Variants in ALPG observed in about 807,000 individuals in gnomAD.
ALPG encodes alkaline phosphatase, germ cell, also known as alkaline phosphatase, germ cell type.
ALPG carries 32 observed loss-of-function variants against 48.6 expected under a neutral mutation model. The ratio of observed to expected loss-of-function variants is 0.66; its 90% CI spans 0.50 to 0.88. ALPG has a LOEUF of 0.88. ALPG is among the 40% of genes least tolerant of loss of function. The pLI is 0.00. For missense variants in ALPG, 533 were observed against 718.1 expected (o/e 0.74, Z 2.95); for synonymous variants, 244 against 308.9 (o/e 0.79, Z 2.20).
In ALPG at chr2:232,409,438, G is replaced by A. The variant is rs1168995489; in HGVS notation, c.1290G>A (p.Glu430=). The change falls in exon 10 of 11, where the codon GAG becomes GAA. Residue 430 remains glutamate (E), a synonymous_variant. Transcript: ENST00000295453. The part of the protein sequence containing the change: ...LKDGARPDVT[E]SESGSPEYRQ... ...ACGGCGCCCGGCCGGATGTTACGGAGAGCGAGAGCGGTGAGTGCCGTGGGG... is the reference window on the plus strand; with the variant it reads ...ACGGCGCCCGGCCGGATGTTACGGAAAGCGAGAGCGGTGAGTGCCGTGGGG... 1 of 1,443,724 alleles carries A rather than the reference G, an allele frequency of 6.9e-7. No individual in the cohort carries two copies. Among genetic ancestry groups the A allele is most frequent in the African/African-American group, 1.4e-5 (1 of 71,548 alleles). The allele number at this position is 1,443,724 out of a possible 1,614,324, so 89.4% of individuals were successfully genotyped here.
At position 232,407,357 on chromosome 2, in the gene ALPG, A is replaced by T. The variant is rs760980285; in HGVS notation, c.256A>T (p.Thr86Ser). 96 of 1,613,724 alleles carry T rather than the reference A, an allele frequency of 5.9e-5. No individual in the cohort carries two copies. In the Admixed American group the frequency reaches 1.6e-3, roughly 27 times the overall value. The change falls in exon 3 of 11, where the codon ACC (threonine) becomes TCC (serine). Residue 86 changes from threonine to serine, a missense_variant. Around this residue, in one of 6 missense-constraint regions of ALPG, gnomAD observed 315 missense variants for 305.8 expected, o/e 1.03. Transcript: ENST00000295453. Reference protein sequence around the residue: ...GQKKDKLGPETFLAMDRFPYV... With the variant: ...GQKKDKLGPESFLAMDRFPYV... Reference sequence around the variant, plus strand: ...GAAGAAGGACAAACTGGGGCCTGAGACCTTCCTGGCCATGGACCGCTTCCC... The same window carrying T: ...GAAGAAGGACAAACTGGGGCCTGAGTCCTTCCTGGCCATGGACCGCTTCCC...
In ALPG at chr2:232,408,264, C is replaced by T. The variant is rs1189996785; in HGVS notation, c.649-3C>T. On this transcript the variant is annotated splice_region_variant and splice_polypyrimidine_tract_variant and intron_variant, in intron 5 of 10. Coordinates refer to ENST00000295453, the MANE Select transcript of ALPG (RefSeq NM_031313.3). ...ATCCACCTGCCCCATCCTCTGTTCC[C>T]AGGTGATCCTAGGTGGAGGCCGAAA... The T allele has an allele frequency of 6.2e-7, 1 of 1,613,540 alleles. No homozygotes were observed. The highest frequency in any genetic ancestry group is 8.5e-7 in the Non-Finnish European group (1 of 1,179,856).
chr2:232,407,460 G>A lies in ALPG; in HGVS notation c.300+59G>A, dbSNP rs535702090. 89 of 1,598,116 alleles carry A rather than the reference G, an allele frequency of 5.6e-5. No homozygotes were observed. The African/African-American group carries it at 1.1e-3, about 20-fold the overall frequency. ...AGAGAAGGGGAATCCTGGCTATGGA[G>A]TGTGGTAGGAGGGAGGGACCCTAAA... On this transcript the variant is annotated intron_variant, in intron 3 of 10. Transcript: ENST00000295453.
In ALPG at chr2:232,410,102, T is replaced by C; in HGVS notation, c.*230T>C. On this transcript the variant is annotated 3_prime_UTR_variant, in exon 11 of 11. Transcript: ENST00000295453. ...TGGCCCCAACTCCAGGGACTGGGGA[T>C]TTGTGCCTGGCAGCTGCCTGCATTT... The C allele has an allele frequency of 1.5e-6, 1 of 667,570 alleles. No individual in the cohort carries two copies. Among genetic ancestry groups the C allele is most frequent in the Non-Finnish European group, 2.5e-6 (1 of 405,964 alleles). 41.4% of individuals were successfully genotyped at this position (667,570 alleles called of 1,614,324 possible).
chr2:232,407,539 A>G, intron 3 of ALPG, 55 bp from the exon 4 acceptor site: 1 of 1,609,728 alleles, frequency 6.2e-7, no homozygotes. Flanking sequence ...GAGGACAGAG[A>G]TCAGGGTCTT....
At chr2:232,408,215 A>G (rs2678518) in intron 5 of ALPG, 52 bp from the exon 6 acceptor site, 435,777 of 1,590,644 alleles carry the variant, frequency 0.27, 62,697 homozygotes, top group Non-Finnish European at 0.29. Context: ...TGAGGAGGGG[A>G]CACGGGGCCA....
intron 10 of ALPG, 49 bp from the exon 11 acceptor site, chr2:232,409,525 T>C: frequency 1.9e-6 from 3 of 1,611,468 alleles, no homozygotes; most frequent in Non-Finnish European, 2.5e-6. Flanking sequence ...GGTCACCTCT[T>C]GTCTGCCTGG....
rs556389743 is a variant in ALPG, at chr2:232,407,754, G to A, written c.461G>A (p.Arg154Gln). ...RGNEVISVMNRAKKAGKSVGV... is the reference protein window; with the variant it reads ...RGNEVISVMNQAKKAGKSVGV... ...AACGAGGTCATCTCCGTGATGAATC[G>A]GGCCAAGAAAGCAGGTGAGCTGGGG... Residue 154 changes from arginine to glutamine, a missense_variant, in exon 4 of 11, where the codon CGG becomes CAG. Transcript: ENST00000295453. 2.2e-5 allele frequency: 36 copies of A among 1,613,782 alleles called. No individual in the cohort carries two copies. The East Asian group carries it at 4.7e-4, about 21-fold the overall frequency.
chr2:232,407,335 G>A lies in ALPG; in HGVS notation c.234G>A (p.Lys78=). Residue 78 remains lysine (K), a synonymous_variant, in exon 3 of 11, where the codon AAG becomes AAA. Transcript: ENST00000295453. The part of the protein sequence containing the change: ...VTAARILKGQ[K]KDKLGPETFL... ...CTGCCAGGATCCTAAAAGGGCAGAA[G>A]AAGGACAAACTGGGGCCTGAGACCT... 1 of 1,613,936 alleles carries A rather than the reference G, an allele frequency of 6.2e-7. No homozygotes were observed.
rs1048997 is a variant in ALPG at position 232,409,833 on chromosome 2, A to C, written c.1560A>C (p.Ala520=). ...TCCCCGCGTTGCTTCCTCTGCTGGC[A>C]GGGACCTTGCTGCTGCTGGGGACGG... ...SVVPALLPLL[A]GTLLLLGTAT... is the part of the protein sequence containing the mutation. Residue 520 remains alanine (A), a synonymous_variant, in exon 11 of 11, where the codon GCA becomes GCC. Coordinates refer to ENST00000295453, the MANE Select transcript of ALPG (RefSeq NM_031313.3). The C allele has an allele frequency of 1.3e-4, 214 of 1,588,654 alleles. No individual in the cohort carries two copies. Among genetic ancestry groups the C allele is most frequent in the South Asian group, 1.7e-4 (15 of 88,274 alleles).
Position 232,407,589 on chromosome 2 carries a change from C to T in ALPG, c.301-5C>T. The T allele has an allele frequency of 5.0e-6, 8 of 1,613,772 alleles. No homozygotes were observed. The highest frequency in any genetic ancestry group is 6.8e-6 in the Non-Finnish European group (8 of 1,180,000). The stretch of plus-strand genomic sequence containing the variant: ...GAGAAGAGCTCAGAGTGTCTCTGTC[C>T]CCAGACATACAGTGTAGACAAGCAT... On this transcript the variant is annotated splice_region_variant and splice_polypyrimidine_tract_variant and intron_variant, in intron 3 of 10. Coordinates refer to ENST00000295453, the MANE Select transcript of ALPG (RefSeq NM_031313.3).
chr2:232,408,570 ATGGGTAATGACCCCCTTCC>A lies in ALPG; in HGVS notation c.856_856+18del. 6.4e-7 allele frequency: 1 copy of A among 1,555,074 alleles called. No individual in the cohort carries two copies. Among genetic ancestry groups the A allele is most frequent in the Admixed American group, 1.7e-5 (1 of 58,290 alleles). ...CCTGGACCCGTCTGTGACCCATCTC[ATGGGTAATGACCCCCTTCC>A]TGCCCTGGCATCCCTCAGATGGCCT... On this transcript the variant is annotated splice_donor_variant and splice_donor_5th_base_variant and coding_sequence_variant and intron_variant, in exon 7 of 11. Transcript: ENST00000295453. LOFTEE classifies it high-confidence loss of function.
rs1275755567 is a variant in ALPG at position 232,407,855 on chromosome 2, G to A, written c.486G>A (p.Val162=). ...CTCTATCACCCTCAGGAAAGTCAGTGGGAGTGGTAACCACCACACGGGTGC... is the reference window on the plus strand; with the variant it reads ...CTCTATCACCCTCAGGAAAGTCAGTAGGAGTGGTAACCACCACACGGGTGC... The part of the protein sequence containing the change: ...MNRAKKAGKS[V]GVVTTTRVQH... Residue 162 remains valine, a synonymous_variant, in exon 5 of 11, where the codon GTG becomes GTA. Transcript: ENST00000295453. 6.2e-7 allele frequency: 1 copy of A among 1,613,562 alleles called. No individual in the cohort carries two copies. Among genetic ancestry groups the A allele is most frequent in the South Asian group, 1.1e-5 (1 of 90,990 alleles).
At position 232,407,275 on chromosome 2, in the gene ALPG, T is replaced by C. The variant is rs755457145; in HGVS notation, c.185-11T>C. The C allele has an allele frequency of 6.2e-7, 1 of 1,613,822 alleles. No homozygotes were observed. ...CTGGGGAGCAAGCCTCACACACTTC[T>C]GCTCCTTCAGGGATGGGGGTGTCTA... On this transcript the variant is annotated splice_polypyrimidine_tract_variant and intron_variant, in intron 2 of 10. Coordinates refer to ENST00000295453, the MANE Select transcript of ALPG (RefSeq NM_031313.3).
Position 232,408,812 on chromosome 2 carries a change from C to G in ALPG, c.965C>G (p.Pro322Arg). The change falls in exon 8 of 11, where the codon CCC becomes CGC. Residue 322 changes from proline to arginine, a missense_variant. Pro to Arg is a moderately radical substitution (Grantham distance 103). Coordinates refer to ENST00000295453, the MANE Select transcript of ALPG (RefSeq NM_031313.3). ...GCCCTGCTCCTGCTGAGCAGGAACC[C>G]CCGCGGCTTCTTCCTCTTCGTGGAG... Reference protein sequence around the residue: ...EAALLLLSRNPRGFFLFVEGG... With the variant: ...EAALLLLSRNRRGFFLFVEGG... The G allele has an allele frequency of 1.1e-6, 1 of 895,890 alleles. No individual in the cohort carries two copies. The highest frequency in any genetic ancestry group is 2.5e-5 in the Admixed American group (1 of 39,468). 55.5% of individuals were successfully genotyped at this position (895,890 alleles called of 1,614,324 possible).
chr2:232,410,038 T>G lies in ALPG; in HGVS notation c.*166T>G. On this transcript the variant is annotated 3_prime_UTR_variant, in exon 11 of 11. Coordinates refer to ENST00000295453, the MANE Select transcript of ALPG (RefSeq NM_031313.3). ...CGGTGCACCCTGGGGACCGAGCCCT[T>G]GACACCACGCCCTTTGCTTTATCTT... The G allele has an allele frequency of 1.8e-6, 2 of 1,082,398 alleles. No individual in the cohort carries two copies. The highest frequency in any genetic ancestry group is 1.7e-5 in the South Asian group (1 of 59,952). The allele number at this position is 1,082,398 out of a possible 1,614,324, so 67.0% of individuals were successfully genotyped here. A position where few individuals can be genotyped will look rare whatever the true frequency, so the allele number is the denominator to read the frequency against.
Position 232,410,115 on chromosome 2 carries a change from G to A in ALPG, c.*243G>A. The A allele has an allele frequency of 1.6e-6, 1 of 629,588 alleles. No individual in the cohort carries two copies. The highest frequency in any genetic ancestry group is 2.7e-6 in the Non-Finnish European group (1 of 372,928). 39.0% of individuals were successfully genotyped at this position (629,588 alleles called of 1,614,324 possible). A position where few individuals can be genotyped will look rare whatever the true frequency, so the allele number is the denominator to read the frequency against. ...AGGGACTGGGGATTTGTGCCTGGCA[G>A]CTGCCTGCATTTCAGGAAAAGAGGA... On this transcript the variant is annotated 3_prime_UTR_variant, in exon 11 of 11. Transcript: ENST00000295453.
chr2:232,406,969 G>C lies in ALPG; in HGVS notation c.67+8G>C. ...CCCTGGGCATCATCCCAGGTAATGAGGCTCCCCCAGCTGCCCCTACACACA... is the reference window on the plus strand; with the variant it reads ...CCCTGGGCATCATCCCAGGTAATGACGCTCCCCCAGCTGCCCCTACACACA... On this transcript the variant is annotated splice_region_variant and intron_variant, in intron 1 of 10. Coordinates refer to ENST00000295453, the MANE Select transcript of ALPG (RefSeq NM_031313.3). 6.2e-7 allele frequency: 1 copy of C among 1,608,618 alleles called. No homozygotes were observed. Among genetic ancestry groups the C allele is most frequent in the Non-Finnish European group, 8.5e-7 (1 of 1,178,636 alleles).
Position 232,409,987 on chromosome 2 carries a change from C to A in ALPG, c.*115C>A, listed in dbSNP as rs879165959. ...GTCACCCCCGGAGTCGCCACACAGA[C>A]GTCCTGCCATGGAACCTTCCCCTCC... is the stretch of plus-strand genomic sequence containing the variant. On this transcript the variant is annotated 3_prime_UTR_variant, in exon 11 of 11. Transcript: ENST00000295453. The A allele has an allele frequency of 2.1e-6, 3 of 1,411,102 alleles. No individual in the cohort carries two copies. The highest frequency in any genetic ancestry group is 3.0e-5 in the South Asian group (2 of 67,752). 87.4% of individuals were successfully genotyped at this position (1,411,102 alleles called of 1,614,324 possible).
Sources: gnomAD v4.1 joint callset for allele counts on GRCh38, gnomAD v4.1.1 for gene constraint, gnomAD v4.1.1 regional missense constraint, MANE v1.5 for transcripts, NCBI Gene and HGNC (gene_info 2026-07-23, HGNC 2026-07-21) for gene names.